Variants in MTAP observed in about 807,000 individuals in gnomAD.
MTAP encodes S-methyl-5'-thioadenosine phosphorylase.
In MTAP, 33 loss-of-function variants were observed where a neutral mutation model predicts 33.6. The observed-to-expected ratio is 0.98, with a 90% confidence interval of 0.74 to 1.31. The LOEUF (loss-of-function observed/expected upper bound fraction) is 1.31, where lower values mean the gene tolerates loss of function less well. MTAP is among the 40% of genes most tolerant of loss of function. MTAP has a pLI of 0.00. For missense variants in MTAP, 367 were observed against 360.0 expected, an observed-to-expected ratio of 1.02 and a Z score of -0.16; for synonymous variants, 148 against 125.7, an observed-to-expected ratio of 1.18 and a Z score of -1.19.
intron 5 of MTAP, among the ~76,000 whole-genome samples, chr9:21,851,425 A>G (rs1825509382): frequency 6.6e-6 from 1 of 152,246 alleles, no homozygotes; most frequent in Admixed American, 6.5e-5. Context: ...ATCATATGAC[A>G]TGAGATTTAT....
intron 1 of MTAP, among the ~76,000 whole-genome samples, chr9:21,880,581 A>G (rs1372684919): frequency 6.6e-6 from 1 of 152,132 alleles, no homozygotes; most frequent in Non-Finnish European, 1.5e-5. Context: ...TTTATATACA[A>G]AACTCAACTG....
intron 1 of MTAP, among the ~76,000 whole-genome samples, chr9:21,803,910 G>A (rs764419907): frequency 2.6e-5 from 4 of 152,164 alleles, no homozygotes; most frequent in Non-Finnish European, 4.4e-5. Flanking sequence ...GAGCCACTTA[G>A]AATGAGAGGA....
At chr9:21,883,410 G>C (rs1027531046) in intron 1 of MTAP, among the ~76,000 whole-genome samples, 1 of 152,068 alleles carries the variant, frequency 6.6e-6, no homozygotes, top group Non-Finnish European at 1.5e-5. Context: ...AGCATCAAGA[G>C]TTCTCATACA....
chr9:21,927,345 G>A (rs890459452), intron 1 of MTAP, among the ~76,000 whole-genome samples: 8 of 152,124 alleles, frequency 5.3e-5, no homozygotes, highest in African/African-American at 1.7e-4. Context: ...AGTCGGTCAG[G>A]CTCCTGACAT....
At chr9:21,876,145 A>G (rs116001384) in intron 1 of MTAP, among the ~76,000 whole-genome samples, 2,895 of 152,180 alleles carry the variant, frequency 0.019, 85 homozygotes, top group African/African-American at 0.064. Flanking sequence ...TTTTTAAAGT[A>G]TGATTGTTGG....
At chr9:21,913,568 T>C (rs1818623106) in intron 1 of MTAP, among the ~76,000 whole-genome samples, 1 of 152,206 alleles carries the variant, frequency 6.6e-6, no homozygotes, top group Admixed American at 6.5e-5. Flanking sequence ...GAAAACTGGC[T>C]AGCCATATGC....
chr9:21,822,946 G>A (rs1824684204), intron 4 of MTAP, among the ~76,000 whole-genome samples: 2 of 152,162 alleles, frequency 1.3e-5, no homozygotes, highest in African/African-American at 4.8e-5. Flanking sequence ...GACTAGGATT[G>A]CAACGACTGC....
At chr9:21,811,517 C>G (rs1429754192) in intron 1 of MTAP, 3 of 265,026 alleles carry the variant, frequency 1.1e-5, no homozygotes, top group Non-Finnish European at 2.3e-5. Flanking sequence ...CAAGACACAA[C>G]AGCAAGCGCA....
intron 1 of MTAP, among the ~76,000 whole-genome samples, chr9:21,813,488 A>C (rs577107474): frequency 1.3e-5 from 2 of 152,322 alleles, no homozygotes; most frequent in East Asian, 3.9e-4. Flanking sequence ...AGGGGCTCTG[A>C]AATTCAGCGG....
At chr9:21,915,055 C>CTTTCTTTCTTT (rs1491435938) in intron 1 of MTAP, among the ~76,000 whole-genome samples, 2 of 25,886 alleles carry the variant, frequency 7.7e-5, no homozygotes, top group Non-Finnish European at 1.4e-4. Flanking sequence ...TTCCTTCCTT[C>CTTTCTTTCTTT]CTTTCTTTCT....
chr9:21,872,255 T>A (rs1484978394), intron 1 of MTAP, among the ~76,000 whole-genome samples: 1 of 152,074 alleles, frequency 6.6e-6, no homozygotes, highest in African/African-American at 2.4e-5. Context: ...AGGCGGGAGG[T>A]TGCAGTGAGC....
intron 1 of MTAP, among the ~76,000 whole-genome samples, chr9:21,915,084 C>CTTTCTTTCTTTCTTTGTTT (rs369342496): frequency 1.4e-5 from 1 of 72,416 alleles, no homozygotes; most frequent in African/African-American, 1.1e-4. Flanking sequence ...TTCTTTCTTT[C>CTTTCTTTCTTTCTTTGTTT]CTTTCTTTCT....
At chr9:21,805,745 C>G (rs575780347) in intron 1 of MTAP, among the ~76,000 whole-genome samples, 10 of 152,338 alleles carry the variant, frequency 6.6e-5, no homozygotes, top group African/African-American at 2.4e-4. Flanking sequence ...GTGGGCCTTC[C>G]TCAGACACTG....
chr9:21,930,601 C>T, intron 1 of MTAP: 1 of 368,494 alleles, frequency 2.7e-6, no homozygotes, highest in Admixed American at 4.2e-5. Flanking sequence ...TGACCTATAG[C>T]CAACTCTGAA....
At chr9:21,878,700 A>G (rs1015994658) in intron 1 of MTAP, among the ~76,000 whole-genome samples, 1 of 152,126 alleles carries the variant, frequency 6.6e-6, no homozygotes, top group African/African-American at 2.4e-5. Flanking sequence ...GTTTAGTGCC[A>G]TAAACTGTCC....
intron 1 of MTAP, among the ~76,000 whole-genome samples, chr9:21,899,517 A>C (rs1470197993): frequency 6.6e-6 from 1 of 152,166 alleles, no homozygotes; most frequent in Admixed American, 6.5e-5. Context: ...CAGTTGACTC[A>C]CAGTTCAGCA....
intron 6 of MTAP, among the ~76,000 whole-genome samples, chr9:21,857,148 A>G (rs1825660367): frequency 6.6e-6 from 1 of 152,210 alleles, no homozygotes; most frequent in South Asian, 2.1e-4. Context: ...GAAGGTCAGT[A>G]GGAAGGACAT....
chr9:21,879,374 C>T (rs1398008577), intron 1 of MTAP, among the ~76,000 whole-genome samples: 2 of 151,986 alleles, frequency 1.3e-5, no homozygotes, highest in African/African-American at 4.8e-5. Context: ...GATTGCAACC[C>T]CTGCTTTTTT....
At chr9:21,936,705 C>T (rs994282696) in exon 8 of MTAP, 16 of 151,992 alleles carry the variant, frequency 1.1e-4, no homozygotes, top group African/African-American at 3.6e-4. Flanking sequence ...ACCCCATAAC[C>T]GTTCACAATT....
Sources: gnomAD v4.1 joint callset for allele counts (sites outside exome capture counted in the v4.1 genomes callset) on GRCh38, gnomAD v4.1.1 for gene constraint, MANE v1.5 for transcripts, NCBI Gene and HGNC (gene_info 2026-07-23, HGNC 2026-07-21) for gene names.